Variants in SLCO3A1 observed in about 807,000 individuals in gnomAD.
The protein encoded by SLCO3A1 is solute carrier organic anion transporter family member 3A1, also known as PGE1 transporter.
SLCO3A1 carries 27 observed loss-of-function variants against 63.1 expected under a neutral mutation model. The observed-to-expected ratio is 0.43, with a 90% confidence interval of 0.32 to 0.59. SLCO3A1 has a LOEUF of 0.59. Ranked by LOEUF, SLCO3A1 falls within the 20% of genes least tolerant of loss-of-function variation. The pLI, the probability that SLCO3A1 is intolerant of heterozygous loss-of-function variation, is 0.09. For synonymous variants in SLCO3A1, 473 were observed against 409.9 expected (o/e 1.15, Z -1.86); for missense variants, 773 against 945.8 (o/e 0.82, Z 2.40).
chr15:92,089,501 G>A (rs759447687), intron 2 of SLCO3A1, among the ~76,000 whole-genome samples: 3 of 152,166 alleles, frequency 2.0e-5, no homozygotes, highest in Non-Finnish European at 4.4e-5. Flanking sequence ...ACAAGGGTGA[G>A]GTTTTCATCT....
chr15:92,170,413 C>G (rs940740017), downstream of SLCO3A1, among the ~76,000 whole-genome samples: 2 of 152,154 alleles, frequency 1.3e-5, no homozygotes, highest in African/African-American at 4.8e-5. Flanking sequence ...CACACCAGCC[C>G]TACGAGGTAA....
rs1403462897 is a variant in SLCO3A1 at position 91,865,313 on chromosome 15, G to A, written c.180+11225G>A. The stretch of plus-strand genomic sequence containing the variant: ...TATCTCAGATGCTAGACCAAAATTG[G>A]GTCATATTATAAGTGAGAAAGTGAC... On this transcript the variant is annotated intron_variant, in intron 1 of 9. Transcript: ENST00000318445. The surrounding 1 kb of genome is among the most constrained non-coding windows in gnomAD (Gnocchi z 4.6). Among the ~76,000 whole-genome samples, 1 of 152,174 alleles carries A rather than the reference G, an allele frequency of 6.6e-6. No individual in the cohort carries two copies.
chr15:92,125,061 A>G (rs1567132756), intron 5 of SLCO3A1, among the ~76,000 whole-genome samples: 1 of 152,206 alleles, frequency 6.6e-6, no homozygotes, highest in South Asian at 2.1e-4. Flanking sequence ...ATGTCATTTT[A>G]AGTATGACTT....
At chr15:91,944,720 T>C (rs1899743064) in intron 2 of SLCO3A1, among the ~76,000 whole-genome samples, 1 of 152,040 alleles carries the variant, frequency 6.6e-6, no homozygotes. Context: ...TCTGAACATC[T>C]GAGTCTTTCA....
At chr15:91,888,384 C>T (rs1382918698) in intron 1 of SLCO3A1, among the ~76,000 whole-genome samples, 3 of 152,166 alleles carry the variant, frequency 2.0e-5, no homozygotes, top group Non-Finnish European at 4.4e-5. Flanking sequence ...TTGCCCTTTG[C>T]TCTTCATTCA....
At chr15:91,908,570 A>T (rs962743989) in intron 1 of SLCO3A1, 2 of 151,818 alleles carry the variant, frequency 1.3e-5, no homozygotes, top group African/African-American at 2.4e-5. Flanking sequence ...TAAATGACTC[A>T]CCCCAAGGAG....
chr15:92,165,466 C>G lies in SLCO3A1; in HGVS notation c.*2331C>G. 1 of 982,804 alleles carries G rather than the reference C, an allele frequency of 1.0e-6. No individual in the cohort carries two copies. The highest frequency in any genetic ancestry group is 1.7e-5 in the African/African-American group (1 of 57,210). The allele number at this position is 982,804 out of a possible 1,614,324, so 60.9% of individuals were successfully genotyped here. A position where few individuals can be genotyped will look rare whatever the true frequency, so the allele number is the denominator to read the frequency against. On this transcript the variant is annotated 3_prime_UTR_variant, in exon 10 of 10. Transcript: ENST00000318445. Reference sequence around the variant, plus strand: ...AACTCAGTACACACACACTGAGGCCCTTTGACCTAGTGTTTTATGGAACTA... The same window carrying G: ...AACTCAGTACACACACACTGAGGCCGTTTGACCTAGTGTTTTATGGAACTA...
At chr15:92,039,304 A>G (rs7164111) in intron 2 of SLCO3A1, among the ~76,000 whole-genome samples, 2,280 of 152,262 alleles carry the variant, frequency 0.015, 51 homozygotes, top group African/African-American at 0.053. Context: ...TATAGAATGG[A>G]AGAAAAATTT....
At chr15:92,010,274 G>A (rs1330803388) in intron 2 of SLCO3A1, among the ~76,000 whole-genome samples, 1 of 152,090 alleles carries the variant, frequency 6.6e-6, no homozygotes, top group African/African-American at 2.4e-5. Context: ...TCTTGGAAGG[G>A]GCTCCATTAA....
At position 91,875,603 on chromosome 15, in the gene SLCO3A1, C is replaced by T. The variant is rs1291030852; in HGVS notation, c.180+21515C>T. On this transcript the variant is annotated intron_variant, in intron 1 of 9. Coordinates refer to ENST00000318445, the MANE Select transcript of SLCO3A1 (RefSeq NM_013272.4). This position sits in a 1 kb window ranked among gnomAD's most constrained non-coding sequence, Gnocchi z 4.5. The stretch of plus-strand genomic sequence containing the variant: ...ACTTGTGTGTGATAAGTCTTAGCCT[C>T]ATTCTCTGTCATTCCTTCCATCGGT... Among the ~76,000 whole-genome samples the T allele has an allele frequency of 1.3e-5, 2 of 152,234 alleles. No homozygotes were observed. The highest frequency in any genetic ancestry group is 4.8e-5 in the African/African-American group (2 of 41,464).
intron 2 of SLCO3A1, among the ~76,000 whole-genome samples, chr15:91,989,957 G>A (rs2046105473): frequency 6.6e-6 from 1 of 152,220 alleles, no homozygotes; most frequent in Non-Finnish European, 1.5e-5. Flanking sequence ...GAAAAGATTA[G>A]CTGTAGAATC....
chr15:92,070,616 T>A (rs945773018), intron 2 of SLCO3A1, among the ~76,000 whole-genome samples: 1 of 149,016 alleles, frequency 6.7e-6, no homozygotes, highest in Non-Finnish European at 1.5e-5. Flanking sequence ...TACACTCCAG[T>A]CTGGGTGACA....
chr15:92,139,067 C>A (rs1359803898), intron 7 of SLCO3A1, among the ~76,000 whole-genome samples: 31 of 146,726 alleles, frequency 2.1e-4, no homozygotes, highest in Non-Finnish European at 3.3e-4. Flanking sequence ...TTTCAAAGGG[C>A]ATGCTTCCAG....
chr15:91,861,071 T>C (rs1897036621), intron 1 of SLCO3A1, among the ~76,000 whole-genome samples: 1 of 152,200 alleles, frequency 6.6e-6, no homozygotes, highest in South Asian at 2.1e-4. Context: ...TGGGCCTTTC[T>C]CAGTGAATCA....
intron 2 of SLCO3A1, among the ~76,000 whole-genome samples, chr15:91,964,197 T>C (rs1428354412): frequency 1.3e-5 from 2 of 152,114 alleles, no homozygotes; most frequent in Non-Finnish European, 2.9e-5. Flanking sequence ...TAGAAACTTG[T>C]TGGAAATGTA....
intron 2 of SLCO3A1, among the ~76,000 whole-genome samples, chr15:92,040,494 T>C (rs1294109047): frequency 6.6e-6 from 1 of 152,204 alleles, no homozygotes; most frequent in Admixed American, 6.5e-5. Flanking sequence ...AATCATGTTA[T>C]CTTCCCCAAG....
chr15:91,924,267 G>A (rs1898940906), intron 2 of SLCO3A1, among the ~76,000 whole-genome samples: 1 of 152,168 alleles, frequency 6.6e-6, no homozygotes, highest in Non-Finnish European at 1.5e-5. Context: ...TTGCCCTGTG[G>A]GAGTGCAAAG....
intron 2 of SLCO3A1, among the ~76,000 whole-genome samples, chr15:92,016,262 A>ATAGATAGATAGAT (rs2046434073): frequency 8.9e-6 from 1 of 112,780 alleles, no homozygotes; most frequent in Non-Finnish European, 1.9e-5. Flanking sequence ...GATTAGATAG[A>ATAGATAGATAGAT]TAGATAGATA....
At chr15:92,041,591 T>C (rs1022235677) in intron 2 of SLCO3A1, among the ~76,000 whole-genome samples, 2 of 152,158 alleles carry the variant, frequency 1.3e-5, no homozygotes, top group Non-Finnish European at 1.5e-5. Context: ...TAAATGCAGA[T>C]GGAGATGTCA....
Sources: gnomAD v4.1 joint callset for allele counts (sites outside exome capture counted in the v4.1 genomes callset) on GRCh38, gnomAD v4.1.1 for gene constraint, Gnocchi (gnomAD v3.1) non-coding constraint, MANE v1.5 for transcripts, NCBI Gene and HGNC (gene_info 2026-07-23, HGNC 2026-07-21) for gene names.